The following CEBPZ variants were observed in gnomAD, a reference collection of about 807,000 sequenced individuals.
The protein encoded by CEBPZ is CCAAT/enhancer-binding protein zeta.
CEBPZ carries 78 observed loss-of-function variants against 104.5 expected under a neutral mutation model. The observed-to-expected ratio is 0.75, with a 90% CI of 0.62 to 0.90. The LOEUF (loss-of-function observed/expected upper bound fraction) is 0.90, where lower values mean the gene tolerates loss of function less well. CEBPZ is among the 40% of genes least tolerant of loss of function. The pLI is 0.00. For missense variants in CEBPZ, 1,439 were observed against 1,233.5 expected, an observed-to-expected ratio of 1.17 and a Z score of -2.50; for synonymous variants, 470 against 427.0, an observed-to-expected ratio of 1.10 and a Z score of -1.24.
intron 8 of CEBPZ, among the ~76,000 whole-genome samples, chr2:37,215,669 A>C (rs904937742): frequency 3.3e-5 from 5 of 152,240 alleles, no homozygotes; most frequent in South Asian, 2.1e-4. Flanking sequence ...CAACAGACTC[A>C]GATCCAGAAG....
intron 13 of CEBPZ, among the ~76,000 whole-genome samples, chr2:37,207,308 C>G (rs183059866): frequency 2.0e-5 from 3 of 152,186 alleles, no homozygotes; most frequent in Admixed American, 2.0e-4. Context: ...ATGGACTTAA[C>G]AGATACCTAC....
In CEBPZ at chr2:37,228,114, G is replaced by C. The variant is rs377543439; in HGVS notation, c.1079C>G (p.Thr360Ser). Residue 360 changes from threonine to serine, a missense_variant, in exon 2 of 16, where the codon ACC becomes AGC. Physicochemically the swap from Thr to Ser is moderately conservative, Grantham distance 58. Transcript: ENST00000234170. ...LETLSHDTLVTTKTRALTVAH... is the reference protein window; with the variant it reads ...LETLSHDTLVSTKTRALTVAH... Reference sequence around the variant, plus strand: ...CACGGTAAGGGCTCGAGTTTTAGTGGTTACTAATGTATCATGACTTAAAGT... The same window carrying C: ...CACGGTAAGGGCTCGAGTTTTAGTGCTTACTAATGTATCATGACTTAAAGT... The C allele has an allele frequency of 1.2e-5, 20 of 1,614,026 alleles. No homozygotes were observed. The highest frequency in any genetic ancestry group is 1.6e-4 in the Middle Eastern group (1 of 6,084).
At chr2:37,217,829 G>A (rs1318169236) in intron 5 of CEBPZ, among the ~76,000 whole-genome samples, 3 of 150,222 alleles carry the variant, frequency 2.0e-5, no homozygotes, top group Non-Finnish European at 4.4e-5. Flanking sequence ...GTGAACCTGG[G>A]AGGCGGAACT....
intron 13 of CEBPZ, among the ~76,000 whole-genome samples, chr2:37,206,995 A>G (rs1244397284): frequency 6.6e-6 from 1 of 152,204 alleles, no homozygotes; most frequent in Non-Finnish European, 1.5e-5. Flanking sequence ...AGCAAGCAGG[A>G]CTAGCTATTC....
chr2:37,211,620 A>C (rs751763985), intron 12 of CEBPZ: 15 of 464,610 alleles, frequency 3.2e-5, no homozygotes, highest in Non-Finnish European at 4.9e-5. Context: ...TGGTTAAAGT[A>C]AAAGTCCAAA....
chr2:37,217,277 T>C (rs1572503118), intron 5 of CEBPZ, among the ~76,000 whole-genome samples: 1 of 152,008 alleles, frequency 6.6e-6, no homozygotes, highest in East Asian at 1.9e-4. Flanking sequence ...CGCGCGTGCC[T>C]GTACTCCCAG....
intron 9 of CEBPZ, 107 bp downstream of exon 9, chr2:37,214,779 G>T (rs1156773632): frequency 1.4e-6 from 1 of 691,394 alleles, no homozygotes; most frequent in African/African-American, 1.8e-5. Flanking sequence ...TTTACACACA[G>T]TAGTAGATTA....
At chr2:37,223,513 C>T (rs1157458345) in intron 2 of CEBPZ, 112 bp from the exon 3 acceptor site, 4 of 882,286 alleles carry the variant, frequency 4.5e-6, no homozygotes, top group East Asian at 2.6e-5. Flanking sequence ...AACTTTGCTG[C>T]TTATTTTAGA....
rs765464055 is a variant in CEBPZ, at chr2:37,212,339, C to G, written c.2599G>C (p.Ala867Pro). 6.2e-7 allele frequency: 1 copy of G among 1,613,224 alleles called. No individual in the cohort carries two copies. The highest frequency in any genetic ancestry group is 2.2e-5 in the East Asian group (1 of 44,794). ...FSSGKDDMDF[A>P]GNVKKRTKGA... ...GAGAAGATAGAAGTATGTTACCCAG[C>G]AAAATCCATATCATCCTTTCCAGAG... is the stretch of plus-strand genomic sequence containing the variant. The change falls in exon 11 of 16, where the codon GCT (alanine) becomes CCT (proline). Residue 867 changes from alanine to proline, a missense_variant. By Grantham distance (27) the Ala-to-Pro change is conservative. Transcript: ENST00000234170.
rs762807368 is a variant in CEBPZ, at chr2:37,216,202, G to A, written c.2318C>T (p.Thr773Ile). ...NPKPHKGKEN[T>I]DSVVMQPKRK... ...TTTCGGCTGCATCACAACACTATCT[G>A]TGTTTTCTGAAATGTAAAATTATGA... Residue 773 changes from threonine to isoleucine, a missense_variant, in exon 8 of 16, where the codon ACA becomes ATA. Thr to Ile is a moderately conservative substitution (Grantham distance 89, BLOSUM62 -1). Coordinates refer to ENST00000234170, the MANE Select transcript of CEBPZ (RefSeq NM_005760.3). 1.6e-5 allele frequency: 25 copies of A among 1,612,300 alleles called. No individual in the cohort carries two copies. The highest frequency in any genetic ancestry group is 1.4e-5 in the Non-Finnish European group (17 of 1,179,190).
Position 37,202,988 on chromosome 2 carries a change from T to G in CEBPZ, c.2905A>C (p.Asn969His), listed in dbSNP as rs776883538. The G allele has an allele frequency of 6.4e-7, 1 of 1,553,570 alleles. No individual in the cohort carries two copies. The highest frequency in any genetic ancestry group is 8.7e-7 in the Non-Finnish European group (1 of 1,153,720). ...SFQGPRKKKR[N>H]LNDSSLFVSA... is the part of the protein sequence containing the mutation. ...ACAAATAGGCTGGAATCATTTAAGT[T>G]TCTTTTCTTTTTTCTTGGCCCTAAA... is the stretch of plus-strand genomic sequence containing the variant. Residue 969 changes from asparagine to histidine, a missense_variant, in exon 14 of 16, where the codon AAC (asparagine) becomes CAC (histidine). Physicochemically the swap from Asn to His is moderately conservative, Grantham distance 68. Transcript: ENST00000234170.
At chr2:37,217,176 T>A (rs775458190) in intron 5 of CEBPZ, 139 bp from the exon 6 acceptor site, 3 of 648,236 alleles carry the variant, frequency 4.6e-6, no homozygotes, top group Non-Finnish European at 8.2e-6. Flanking sequence ...GGCAGGCAGA[T>A]TGCTTGAGCC....
chr2:37,209,936 A>T (rs923535032), intron 13 of CEBPZ: 1 of 152,198 alleles, frequency 6.6e-6, no homozygotes, highest in Non-Finnish European at 1.5e-5. Context: ...AGTCAGCAAG[A>T]AAAAAACAAT....
chr2:37,216,194 C>T lies in CEBPZ; in HGVS notation c.2326G>A (p.Val776Ile). ...PHKGKENTDS[V>I]VMQPKRKHFI... ...TGTTTTCTTTTCGGCTGCATCACAA[C>T]ACTATCTGTGTTTTCTGAAATGTAA... The change falls in exon 8 of 16, where the codon GTT becomes ATT. Residue 776 changes from valine (V) to isoleucine (I), a missense_variant. Physicochemically the swap from Val to Ile is conservative, Grantham distance 29. Coordinates refer to ENST00000234170, the MANE Select transcript of CEBPZ (RefSeq NM_005760.3). The T allele has an allele frequency of 6.2e-7, 1 of 1,612,968 alleles. No individual in the cohort carries two copies. Among genetic ancestry groups the T allele is most frequent in the Non-Finnish European group, 8.5e-7 (1 of 1,179,480 alleles).
At position 37,212,046 on chromosome 2, in the gene CEBPZ, A is replaced by G. The variant is rs890365172; in HGVS notation, c.2604-7T>C. 1.3e-6 allele frequency: 2 copies of G among 1,576,030 alleles called. No individual in the cohort carries two copies. Among genetic ancestry groups the G allele is most frequent in the African/African-American group, 1.4e-5 (1 of 73,092 alleles). ...TGTTCTCTTTTTCACGTTTCTGGAA[A>G]AAAACACAACTTGTAATACAAGAGG... On this transcript the variant is annotated splice_region_variant and splice_polypyrimidine_tract_variant and intron_variant, in intron 11 of 15. Coordinates refer to ENST00000234170, the MANE Select transcript of CEBPZ (RefSeq NM_005760.3).
At chr2:37,211,785 C>T in intron 12 of CEBPZ, 58 bp downstream of exon 12, 1 of 1,321,524 alleles carries the variant, frequency 7.6e-7, no homozygotes, top group Non-Finnish European at 1.0e-6. Flanking sequence ...GAAAAACAAA[C>T]TTAAGGCTAA....
intron 1 of CEBPZ, among the ~76,000 whole-genome samples, chr2:37,230,506 G>T (rs1024322453): frequency 3.9e-5 from 6 of 152,178 alleles, no homozygotes; most frequent in African/African-American, 1.4e-4. Flanking sequence ...CACAAGCACA[G>T]AGCAAACTGT....
At chr2:37,212,489 G>T in intron 10 of CEBPZ, 97 bp from the exon 11 acceptor site, 1 of 1,058,228 alleles carries the variant, frequency 9.4e-7, no homozygotes, top group Non-Finnish European at 1.4e-6. Context: ...TGATTCTGCT[G>T]TTTATGACAA....
intron 9 of CEBPZ, among the ~76,000 whole-genome samples, chr2:37,214,465 G>A (rs1206297428): frequency 6.6e-6 from 1 of 151,908 alleles, no homozygotes; most frequent in East Asian, 1.9e-4. Flanking sequence ...TAAACTTAAA[G>A]TATTATATTA....
Sources: gnomAD v4.1 joint callset for allele counts (sites outside exome capture counted in the v4.1 genomes callset) on GRCh38, gnomAD v4.1.1 for gene constraint, MANE v1.5 for transcripts, NCBI Gene and HGNC (gene_info 2026-07-23, HGNC 2026-07-21) for gene names.